The following RABEP1 variants were observed in gnomAD, a reference collection of about 807,000 sequenced individuals.
The protein encoded by RABEP1 is rabaptin, RAB GTPase binding effector protein 1, also known as rab GTPase-binding effector protein 1.
In RABEP1, 51 loss-of-function variants were observed where a neutral mutation model predicts 123.4. The ratio of observed to expected loss-of-function variants is 0.41; its 90% CI spans 0.33 to 0.52. RABEP1 has a LOEUF of 0.52. Among genes scored for constraint, RABEP1 ranks in the 20% least tolerant of loss-of-function variants. RABEP1 has a pLI of 0.16. For missense variants in RABEP1, 888 were observed against 996.3 expected, an observed-to-expected ratio of 0.89 and a Z score of 1.46; for synonymous variants, 347 against 355.2, an observed-to-expected ratio of 0.98 and a Z score of 0.26.
chr17:5,320,289 T>C (rs1026385545), intron 2 of RABEP1, among the ~76,000 whole-genome samples: 1 of 151,924 alleles, frequency 6.6e-6, no homozygotes, highest in African/African-American at 2.4e-5. Flanking sequence ...AACAAAGTTA[T>C]CCTTCAAATA....
intron 2 of RABEP1, among the ~76,000 whole-genome samples, chr17:5,323,878 G>C (rs915714576): frequency 8.9e-6 from 1 of 112,330 alleles, no homozygotes. Context: ...ATATATCTAG[G>C]AATCAATTTA....
At chr17:5,333,319 C>T (rs1011073242) in intron 3 of RABEP1, among the ~76,000 whole-genome samples, 31 of 152,140 alleles carry the variant, frequency 2.0e-4, no homozygotes, top group African/African-American at 6.0e-4. Context: ...CCCGCCACCA[C>T]GCCCGGCTAA....
At chr17:5,325,735 CA>C (rs777302383) in intron 2 of RABEP1, among the ~76,000 whole-genome samples, 2 of 151,024 alleles carry the variant, frequency 1.3e-5, no homozygotes, top group African/African-American at 2.4e-5. Context: ...AAAAAACCGA[CA>C]AATATTTAGG....
At position 5,323,833 on chromosome 17, in the gene RABEP1, TCTAGGA is replaced by T. The variant is rs1319865523; in HGVS notation, c.164-8115_164-8110del. ...ATATATCTAGGAATATATATATATA[TCTAGGA>T]ATATATATATATATCTAGGAATATA... On this transcript the variant is annotated intron_variant, in intron 2 of 17. Coordinates refer to ENST00000537505, the MANE Select transcript of RABEP1 (RefSeq NM_004703.6). Among the ~76,000 whole-genome samples, 32 of 116,782 alleles carry T rather than the reference TCTAGGA, an allele frequency of 2.7e-4. 3 individuals are homozygous for T. Among genetic ancestry groups the T allele is most frequent in the African/African-American group, 1.2e-3 (30 of 25,536 alleles). 76.6% of individuals were successfully genotyped at this position (116,782 alleles called of 152,430 possible). A position where few individuals can be genotyped will look rare whatever the true frequency, so the allele number is the denominator to read the frequency against.
intron 1 of RABEP1, among the ~76,000 whole-genome samples, chr17:5,291,355 T>G (rs1200441876): frequency 1.3e-5 from 2 of 152,154 alleles, no homozygotes; most frequent in Non-Finnish European, 1.5e-5. Context: ...GAGGTTGTAG[T>G]GAGCCAAGAT....
intron 3 of RABEP1, among the ~76,000 whole-genome samples, chr17:5,333,403 C>T (rs1290271281): frequency 2.0e-5 from 3 of 152,168 alleles, no homozygotes; most frequent in African/African-American, 7.2e-5. Flanking sequence ...ACCTCGTGAT[C>T]TGCCCGCCTC....
At chr17:5,382,887 T>C (rs550629253) in intron 17 of RABEP1, among the ~76,000 whole-genome samples, 2 of 152,020 alleles carry the variant, frequency 1.3e-5, no homozygotes, top group Admixed American at 1.3e-4. Flanking sequence ...ACCATTGCAC[T>C]CTGGCCTGGG....
intron 1 of RABEP1, among the ~76,000 whole-genome samples, chr17:5,300,991 C>T (rs2075131015): frequency 6.6e-6 from 1 of 152,178 alleles, no homozygotes; most frequent in Non-Finnish European, 1.5e-5. Flanking sequence ...GAACTTCTCA[C>T]AAGTTTCCAG....
At chr17:5,311,565 A>G (rs942028604) in intron 2 of RABEP1, among the ~76,000 whole-genome samples, 6 of 151,890 alleles carry the variant, frequency 4.0e-5, no homozygotes, top group African/African-American at 1.4e-4. Context: ...GCATGTTGGC[A>G]TGGGTCTGTA....
At position 5,386,123 on chromosome 17, in the gene RABEP1, A is replaced by T; in HGVS notation, c.*2900A>T. On this transcript the variant is annotated 3_prime_UTR_variant, in exon 18 of 18. Coordinates refer to ENST00000537505, the MANE Select transcript of RABEP1 (RefSeq NM_004703.6). ...AGGTCATCAAAACACCTTTTTATAA[A>T]TTAGATAATTCTACCTGTTTTACAA... 9.7e-7 allele frequency: 1 copy of T among 1,028,300 alleles called. No individual in the cohort carries two copies. Among genetic ancestry groups the T allele is most frequent in the Admixed American group, 2.4e-5 (1 of 41,018 alleles). 63.7% of individuals were successfully genotyped at this position (1,028,300 alleles called of 1,614,324 possible). A position where few individuals can be genotyped will look rare whatever the true frequency, so the allele number is the denominator to read the frequency against.
At chr17:5,353,388 CTTGTA>C (rs956524407) in intron 7 of RABEP1, among the ~76,000 whole-genome samples, 20 of 152,164 alleles carry the variant, frequency 1.3e-4, no homozygotes, top group African/African-American at 2.2e-4. Context: ...CTTGTACATA[CTTGTA>C]TTGTAATTGT....
chr17:5,380,364 T>C lies in RABEP1; in HGVS notation c.2272T>C (p.Leu758=), dbSNP rs201519917. 8 of 1,556,020 alleles carry C rather than the reference T, an allele frequency of 5.1e-6. No homozygotes were observed. Among genetic ancestry groups the C allele is most frequent in the African/African-American group, 1.4e-5 (1 of 73,482 alleles). ...LERIKVEKGQ[L]ESTLREKSQQ... ...GTTTCAGCTTTTTCCTTTTTCACAG[T>C]TGGAGTCCACATTAAGAGAGAAGTC... Residue 758 remains leucine, a splice_region_variant and synonymous_variant, in exon 16 of 18, where the codon TTG becomes CTG. Coordinates refer to ENST00000537505, the MANE Select transcript of RABEP1 (RefSeq NM_004703.6).
intron 3 of RABEP1, among the ~76,000 whole-genome samples, chr17:5,332,377 A>G (rs1318317828): frequency 1.3e-5 from 2 of 152,182 alleles, no homozygotes; most frequent in Admixed American, 6.6e-5. Flanking sequence ...GGGATGTTAT[A>G]GAGATAATGC....
At chr17:5,303,141 T>C (rs1401034001) in intron 1 of RABEP1, among the ~76,000 whole-genome samples, 1 of 152,234 alleles carries the variant, frequency 6.6e-6, no homozygotes, top group Non-Finnish European at 1.5e-5. Context: ...CTATGTATAA[T>C]GTATTTACTT....
At chr17:5,371,109 T>C (rs1431745003) in intron 12 of RABEP1, 3 of 152,168 alleles carry the variant, frequency 2.0e-5, no homozygotes, top group Non-Finnish European at 4.4e-5. Flanking sequence ...TGGGACTACA[T>C]GCGCCCGCCA....
At chr17:5,331,053 TTTA>T (rs1231839497) in intron 2 of RABEP1, among the ~76,000 whole-genome samples, 3,189 of 123,418 alleles carry the variant, frequency 0.026, 87 homozygotes, top group African/African-American at 0.041. Flanking sequence ...TTTTTTTTTT[TTTA>T]AAGAAACACA....
chr17:5,327,306 C>T (rs1440542657), intron 2 of RABEP1, among the ~76,000 whole-genome samples: 1 of 151,430 alleles, frequency 6.6e-6, no homozygotes, highest in African/African-American at 2.4e-5. Flanking sequence ...CGAGATCATG[C>T]CACTGCATTC....
At chr17:5,329,019 CTTT>C (rs760060600) in intron 2 of RABEP1, among the ~76,000 whole-genome samples, 81 of 110,648 alleles carry the variant, frequency 7.3e-4, no homozygotes, top group African/African-American at 9.7e-4. Flanking sequence ...TTCAGAAAGA[CTTT>C]TTTTTTTTTT....
intron 1 of RABEP1, among the ~76,000 whole-genome samples, chr17:5,290,114 G>A (rs935187941): frequency 6.6e-6 from 1 of 152,140 alleles, no homozygotes; most frequent in Non-Finnish European, 1.5e-5. Flanking sequence ...TTGAGATGGA[G>A]TCTCGCTCTG....
Sources: allele counts gnomAD v4.1 joint callset (sites outside exome capture counted in the v4.1 genomes callset), GRCh38; gene constraint gnomAD v4.1.1; transcripts MANE v1.5; gene names NCBI Gene and HGNC (gene_info 2026-07-23, HGNC 2026-07-21).